Variants in SYT1 observed in about 807,000 individuals in gnomAD.
The protein encoded by SYT1 is synaptotagmin-1.
A neutral mutation model predicts 44.8 loss-of-function variants in SYT1; 8 were observed. The observed-to-expected ratio is 0.18, with a 90% confidence interval of 0.10 to 0.32. SYT1 has a LOEUF of 0.32. Ranked by LOEUF, SYT1 falls within the 10% of genes least tolerant of loss-of-function variation. The pLI is 1.00. For synonymous variants in SYT1, 154 were observed against 188.8 expected, an observed-to-expected ratio of 0.82 and a Z score of 1.51; for missense variants, 286 against 509.3, an observed-to-expected ratio of 0.56 and a Z score of 4.22.
intron 3 of SYT1, among the ~76,000 whole-genome samples, chr12:79,167,535 G>A (rs1330647089): frequency 7.9e-5 from 12 of 151,868 alleles, no homozygotes; most frequent in South Asian, 2.1e-4. Context: ...TTGATAATAC[G>A]AAGAATCACA....
At chr12:79,372,230 C>T (rs1883819582) in intron 9 of SYT1, among the ~76,000 whole-genome samples, 1 of 151,904 alleles carries the variant, frequency 6.6e-6, no homozygotes, top group Admixed American at 6.6e-5. Flanking sequence ...CATTGTAGGC[C>T]CCCATGAAGA....
intron 9 of SYT1, among the ~76,000 whole-genome samples, chr12:79,404,537 T>A (rs1465047): frequency 0.14 from 20,758 of 152,104 alleles, 1,856 homozygotes; most frequent in Middle Eastern, 0.34. Context: ...CTGTGAACAG[T>A]CATACACACA....
intron 1 of SYT1, among the ~76,000 whole-genome samples, chr12:78,920,148 T>C (rs555949568): frequency 4.1e-4 from 62 of 152,144 alleles, no homozygotes; most frequent in African/African-American, 1.5e-3. Context: ...GTAATGTGTC[T>C]TTATTAATGG....
intron 3 of SYT1, among the ~76,000 whole-genome samples, chr12:79,212,801 T>TA (rs1249235081): frequency 6.6e-6 from 1 of 152,204 alleles, no homozygotes; most frequent in Non-Finnish European, 1.5e-5. Context: ...ATGTTATTAG[T>TA]AGAGTAGACC....
chr12:79,367,004 T>C (rs1202789810), intron 9 of SYT1, among the ~76,000 whole-genome samples: 2 of 151,544 alleles, frequency 1.3e-5, no homozygotes, highest in Non-Finnish European at 1.5e-5. Context: ...CTAACTTATG[T>C]TGGCATCCTG....
chr12:79,062,720 A>G (rs1305727406), intron 3 of SYT1, among the ~76,000 whole-genome samples: 1 of 152,156 alleles, frequency 6.6e-6, no homozygotes, highest in Non-Finnish European at 1.5e-5. Context: ...GGAAGTACTT[A>G]TTTTGTTAGT....
intron 3 of SYT1, among the ~76,000 whole-genome samples, chr12:79,103,855 C>G (rs561976600): frequency 1.3e-5 from 2 of 152,032 alleles, no homozygotes; most frequent in African/African-American, 2.4e-5. Context: ...GGATGGGGCT[C>G]TCTTAAGAAT....
intron 8 of SYT1, among the ~76,000 whole-genome samples, chr12:79,350,667 G>C (rs1882860949): frequency 6.6e-6 from 1 of 152,114 alleles, no homozygotes; most frequent in Middle Eastern, 3.4e-3. Flanking sequence ...AATTAATCTT[G>C]GATCAAACCA....
intron 8 of SYT1, among the ~76,000 whole-genome samples, chr12:79,326,749 G>T (rs1881625286): frequency 1.3e-5 from 2 of 152,094 alleles, no homozygotes; most frequent in South Asian, 4.1e-4. Context: ...AAGTCTTAAT[G>T]GTTGTGTTTA....
chr12:79,014,432 CATTT>C (rs1318635265), intron 2 of SYT1, among the ~76,000 whole-genome samples: 1 of 152,126 alleles, frequency 6.6e-6, no homozygotes, highest in Non-Finnish European at 1.5e-5. Flanking sequence ...CAAAAGAAGA[CATTT>C]ATGCAGCCAA....
intron 4 of SYT1, among the ~76,000 whole-genome samples, chr12:79,236,824 T>C (rs547444054): frequency 6.6e-6 from 1 of 152,318 alleles, no homozygotes; most frequent in East Asian, 1.9e-4. Context: ...CAACGTAGCA[T>C]GTGATGCATA....
chr12:78,955,462 T>C (rs563142562), intron 1 of SYT1: 1 of 152,256 alleles, frequency 6.6e-6, no homozygotes, highest in East Asian at 1.9e-4. Context: ...TTACTTACAG[T>C]TCTGGAAGCT....
chr12:79,324,220 GATTACAGGCGTGA>G (rs1321104042), intron 8 of SYT1, among the ~76,000 whole-genome samples: 3 of 152,020 alleles, frequency 2.0e-5, no homozygotes, highest in Non-Finnish European at 4.4e-5. Flanking sequence ...AAAGTGCTGG[GATTACAGGCGTGA>G]GCCACCGCGC....
intron 8 of SYT1, among the ~76,000 whole-genome samples, chr12:79,314,037 C>T (rs1446636192): frequency 1.3e-5 from 2 of 150,660 alleles, no homozygotes; most frequent in African/African-American, 2.5e-5. Flanking sequence ...GGCGTGGTAG[C>T]GGGCGCCTGT....
At chr12:78,873,296 G>T (rs796769385) in intron 1 of SYT1, among the ~76,000 whole-genome samples, 6 of 151,700 alleles carry the variant, frequency 4.0e-5, no homozygotes, top group African/African-American at 1.4e-4. Flanking sequence ...GTAAGAACTA[G>T]TTTGCTTTTG....
At chr12:79,056,108 G>C (rs908431875) in intron 3 of SYT1, among the ~76,000 whole-genome samples, 2 of 151,988 alleles carry the variant, frequency 1.3e-5, no homozygotes, top group African/African-American at 4.8e-5. Flanking sequence ...TACCATCTAG[G>C]TTAGTATAAG....
At chr12:79,323,152 C>CT (rs1008113626) in intron 8 of SYT1, among the ~76,000 whole-genome samples, 1 of 150,586 alleles carries the variant, frequency 6.6e-6, no homozygotes, top group Non-Finnish European at 1.5e-5. Context: ...TCTCTCCCTG[C>CT]TTTTTTGTAA....
At chr12:79,280,414 T>C (rs1479016641) in intron 4 of SYT1, among the ~76,000 whole-genome samples, 2 of 152,148 alleles carry the variant, frequency 1.3e-5, no homozygotes, top group African/African-American at 2.4e-5. Context: ...GATATCCTAT[T>C]CAACAAATGG....
intron 3 of SYT1, among the ~76,000 whole-genome samples, chr12:79,110,753 C>T (rs1033605532): frequency 2.0e-5 from 3 of 152,054 alleles, no homozygotes; most frequent in Non-Finnish European, 4.4e-5. Context: ...AATAGAAGTG[C>T]ATGGAAAGAT....
Sources: allele counts gnomAD v4.1 joint callset (sites outside exome capture counted in the v4.1 genomes callset), GRCh38; gene constraint gnomAD v4.1.1; transcripts MANE v1.5; gene names NCBI Gene and HGNC (gene_info 2026-07-23, HGNC 2026-07-21).